Variants in SCN9A observed in about 807,000 individuals in gnomAD.
SCN9A encodes the protein sodium voltage-gated channel alpha subunit 9.
A neutral mutation model predicts 187.0 loss-of-function variants in SCN9A; 131 were observed. The ratio of observed to expected loss-of-function variants is 0.70; its 90% CI spans 0.61 to 0.81. The LOEUF (loss-of-function observed/expected upper bound fraction) is 0.81, where lower values mean the gene tolerates loss of function less well. Ranked by LOEUF, SCN9A falls within the 30% of genes least tolerant of loss-of-function variation. The pLI, the probability that SCN9A is intolerant of heterozygous loss-of-function variation, is 0.00. For missense variants in SCN9A, 2,252 were observed against 2,396.6 expected, an observed-to-expected ratio of 0.94 and a Z score of 1.26; for synonymous variants, 809 against 808.6, an observed-to-expected ratio of 1.00 and a Z score of -0.01.
chr2:166,251,131 A>G (rs1696017227), intron 18 of SCN9A, among the ~76,000 whole-genome samples: 1 of 152,092 alleles, frequency 6.6e-6, no homozygotes, highest in South Asian at 2.1e-4. Context: ...TGATGTTAAG[A>G]GTCAATAGCA....
At position 166,356,316 on chromosome 2, in the gene SCN9A, C is replaced by T. The variant is rs535414368; in HGVS notation, c.-51+19381G>A. Reference sequence around the variant, plus strand: ...TATTAATACTCTACATTTTTACACACATAATGGTTTGCAAAAAACATTCAT... The same window carrying T: ...TATTAATACTCTACATTTTTACACATATAATGGTTTGCAAAAAACATTCAT... On this transcript the variant is annotated intron_variant, in intron 1 of 26. Coordinates refer to ENST00000642356, the MANE Select transcript of SCN9A (RefSeq NM_001365536.1). Among the ~76,000 whole-genome samples the T allele has an allele frequency of 1.0e-3, 156 of 152,258 alleles. No homozygotes were observed. In the Middle Eastern group the frequency reaches 0.02, roughly 20 times the overall value.
At chr2:166,265,151 A>C (rs1404638592) in intron 17 of SCN9A, among the ~76,000 whole-genome samples, 1 of 151,908 alleles carries the variant, frequency 6.6e-6, no homozygotes, top group African/African-American at 2.4e-5. Flanking sequence ...ATAGAACACC[A>C]GAACTTATTC....
chr2:166,349,735 G>A (rs1699987866), intron 1 of SCN9A, among the ~76,000 whole-genome samples: 2 of 152,296 alleles, frequency 1.3e-5, no homozygotes, highest in Non-Finnish European at 2.9e-5. Context: ...CACTTTGGAA[G>A]GCCGAGGCAG....
chr2:166,277,917 T>C (rs1438008799), intron 15 of SCN9A: 1 of 460,738 alleles, frequency 2.2e-6, no homozygotes, highest in Non-Finnish European at 3.7e-6. Flanking sequence ...TATATTAGCG[T>C]GTACTTCAAA....
At chr2:166,271,648 A>G (rs1216683788) in intron 17 of SCN9A, among the ~76,000 whole-genome samples, 1 of 152,066 alleles carries the variant, frequency 6.6e-6, no homozygotes, top group Non-Finnish European at 1.5e-5. Context: ...TGAGTCCAGT[A>G]GTTTGAGACC....
chr2:166,319,123 A>T (rs1699177518), intron 1 of SCN9A, among the ~76,000 whole-genome samples: 1 of 152,122 alleles, frequency 6.6e-6, no homozygotes, highest in Non-Finnish European at 1.5e-5. Flanking sequence ...CTAACTAAAA[A>T]GAATGAAAAT....
intron 24 of SCN9A, among the ~76,000 whole-genome samples, chr2:166,225,459 A>G (rs778173009): frequency 6.6e-6 from 1 of 152,158 alleles, no homozygotes; most frequent in South Asian, 2.1e-4. Context: ...TACAAGATAC[A>G]TCGAATTTAC....
chr2:166,308,191 C>T (rs1698819299), intron 2 of SCN9A, among the ~76,000 whole-genome samples: 1 of 152,072 alleles, frequency 6.6e-6, no homozygotes, highest in Admixed American at 6.5e-5. Context: ...ATACCTAGTC[C>T]TCAAGTACAA....
intron 17 of SCN9A, among the ~76,000 whole-genome samples, chr2:166,269,546 T>C (rs2106455154): frequency 6.6e-6 from 1 of 152,214 alleles, no homozygotes; most frequent in East Asian, 1.9e-4. Context: ...TGTATAACTC[T>C]ATAACTCTAG....
intron 1 of SCN9A, among the ~76,000 whole-genome samples, chr2:166,353,691 C>A (rs1362918730): frequency 6.6e-6 from 1 of 152,158 alleles, no homozygotes; most frequent in African/African-American, 2.4e-5. Flanking sequence ...TTCCTTCCCT[C>A]AAATATAAAT....
rs373893325 is a variant in SCN9A, at chr2:166,222,368, G to A, written c.4398+4199C>T. ...ATGAGGGCCAGGTGCAGTGGCTCAT[G>A]CCTGTTATCCCAGCACTTTGGGAGG... On this transcript the variant is annotated intron_variant, in intron 24 of 26. Transcript: ENST00000642356. Among the ~76,000 whole-genome samples, 108 of 152,314 alleles carry A rather than the reference G, an allele frequency of 7.1e-4. 1 individual carries two copies. Among genetic ancestry groups the A allele is most frequent in the Middle Eastern group, 6.8e-3 (2 of 294 alleles).
intron 17 of SCN9A, among the ~76,000 whole-genome samples, chr2:166,257,215 T>C (rs1696316738): frequency 6.6e-6 from 1 of 151,588 alleles, no homozygotes; most frequent in Non-Finnish European, 1.5e-5. Flanking sequence ...TAAACAATTT[T>C]GCTATTTATG....
chr2:166,218,076 C>G (rs1213317509), intron 24 of SCN9A, among the ~76,000 whole-genome samples: 1 of 151,690 alleles, frequency 6.6e-6, no homozygotes, highest in African/African-American at 2.4e-5. Context: ...GCAACCTGTA[C>G]CCATCAACAG....
intron 1 of SCN9A, among the ~76,000 whole-genome samples, chr2:166,345,485 T>C (rs1190925243): frequency 2.0e-5 from 3 of 151,972 alleles, no homozygotes; most frequent in South Asian, 2.1e-4. Flanking sequence ...TTTGAAAACT[T>C]TCACCACGTT....
chr2:166,224,080 G>C (rs946539672), intron 24 of SCN9A, among the ~76,000 whole-genome samples: 1 of 152,138 alleles, frequency 6.6e-6, no homozygotes, highest in Admixed American at 6.5e-5. Context: ...CAGTAGAAAT[G>C]TTGTAAGAAT....
At chr2:166,302,297 C>T (rs1698590059) in intron 7 of SCN9A, 2 of 152,256 alleles carry the variant, frequency 1.3e-5, no homozygotes, top group Non-Finnish European at 2.9e-5. Context: ...TGAGAGACAC[C>T]ATGCTAGGGG....
intron 19 of SCN9A, among the ~76,000 whole-genome samples, chr2:166,241,534 C>A (rs1276692080): frequency 6.6e-6 from 1 of 152,134 alleles, no homozygotes; most frequent in African/African-American, 2.4e-5. Context: ...TGCAGTTCAG[C>A]AGTTTTTAAT....
At chr2:166,324,662 T>C (rs1431518126) in intron 1 of SCN9A, among the ~76,000 whole-genome samples, 5 of 152,190 alleles carry the variant, frequency 3.3e-5, no homozygotes, top group Admixed American at 1.3e-4. Flanking sequence ...TACTATGTGA[T>C]GAGAATGGCC....
At chr2:166,223,665 A>G (rs778553176) in intron 24 of SCN9A, among the ~76,000 whole-genome samples, 5 of 152,224 alleles carry the variant, frequency 3.3e-5, no homozygotes, top group Non-Finnish European at 5.9e-5. Flanking sequence ...GTACTTCGTA[A>G]CTATAGTTAA....
Sources: allele counts gnomAD v4.1 joint callset (sites outside exome capture counted in the v4.1 genomes callset), GRCh38; gene constraint gnomAD v4.1.1; transcripts MANE v1.5; gene names NCBI Gene and HGNC (gene_info 2026-07-23, HGNC 2026-07-21).